CPLX2: variants seen among roughly 807,000 people sequenced by gnomAD.
CPLX2 encodes the protein complexin 2.
CPLX2 carries 5 observed loss-of-function variants against 16.3 expected under a neutral mutation model. The ratio of observed to expected loss-of-function variants is 0.31; its 90% CI spans 0.16 to 0.64. CPLX2 has a LOEUF of 0.64. Ranked by LOEUF, CPLX2 falls within the 30% of genes least tolerant of loss-of-function variation. The probability of loss-of-function intolerance (pLI) is 0.79; values close to 1 mark genes in which losing one functional copy is unlikely to be tolerated. For missense variants in CPLX2, 144 were observed against 181.4 expected (o/e 0.79, Z 1.18); for synonymous variants, 89 against 73.2 (o/e 1.22, Z -1.10).
intron 2 of CPLX2, among the ~76,000 whole-genome samples, chr5:175,843,166 T>G (rs1463684951): frequency 6.6e-6 from 1 of 152,116 alleles, no homozygotes; most frequent in Non-Finnish European, 1.5e-5. Context: ...AGAGCCAGTC[T>G]CTGAGGCAGC....
In CPLX2 at chr5:175,809,298, C is replaced by G. The variant is rs940142898; in HGVS notation, c.-89+230C>G. ...TTGTGCAATGCCTTATTCAGTGCTC[C>G]CCAAAAAACCTGAGGTGGATATTAT... is the stretch of plus-strand genomic sequence containing the variant. On this transcript the variant is annotated intron_variant, in intron 2 of 4. Transcript: ENST00000359546. The surrounding 1 kb of genome is among the most constrained non-coding windows in gnomAD (Gnocchi z 4.4). 6.6e-6 allele frequency: 1 copy of G among 152,110 alleles called. No homozygotes were observed. Among genetic ancestry groups the G allele is most frequent in the East Asian group, 1.9e-4 (1 of 5,190 alleles). 9.4% of individuals were successfully genotyped at this position (152,110 alleles called of 1,614,324 possible). A position where few individuals can be genotyped will look rare whatever the true frequency, so the allele number is the denominator to read the frequency against.
chr5:175,824,741 T>C (rs78543252), intron 2 of CPLX2, among the ~76,000 whole-genome samples: 2,411 of 152,276 alleles, frequency 0.016, 65 homozygotes, highest in African/African-American at 0.055. Context: ...AAGGCTGAGA[T>C]TGACATTCCC....
intron 2 of CPLX2, among the ~76,000 whole-genome samples, chr5:175,851,490 C>T (rs1561783453): frequency 6.6e-6 from 1 of 152,190 alleles, no homozygotes; most frequent in African/African-American, 2.4e-5. Flanking sequence ...AGGGAGATTT[C>T]CCCCACAAGA....
At chr5:175,853,325 C>T (rs1247312737) in intron 2 of CPLX2, among the ~76,000 whole-genome samples, 2 of 152,240 alleles carry the variant, frequency 1.3e-5, no homozygotes, top group Non-Finnish European at 2.9e-5. Context: ...GCCCTGGCAA[C>T]AGCCTCACAC....
At chr5:175,819,002 CTTCAT>C (rs1378095681) in intron 2 of CPLX2, among the ~76,000 whole-genome samples, 1 of 152,152 alleles carries the variant, frequency 6.6e-6, no homozygotes, top group South Asian at 2.1e-4. Context: ...TGTTTTTGAA[CTTCAT>C]ATAAATGAAA....
intron 2 of CPLX2, among the ~76,000 whole-genome samples, chr5:175,817,858 G>C (rs967405901): frequency 9.9e-5 from 15 of 152,196 alleles, no homozygotes; most frequent in African/African-American, 3.6e-4. Context: ...ATCAGGACTG[G>C]GGACATGTGT....
intron 2 of CPLX2, among the ~76,000 whole-genome samples, chr5:175,820,068 C>A (rs370352879): frequency 4.6e-5 from 7 of 152,218 alleles, no homozygotes; most frequent in African/African-American, 1.7e-4. Context: ...AGGTGAGTGT[C>A]CCCAGCCTGA....
At chr5:175,877,484 T>C (rs1755426323) in intron 1 of CPLX2, among the ~76,000 whole-genome samples, 1 of 152,212 alleles carries the variant, frequency 6.6e-6, no homozygotes, top group South Asian at 2.1e-4. Context: ...GGAACCCTTT[T>C]TCTTCCTTGC....
upstream of CPLX2, among the ~76,000 whole-genome samples, chr5:175,870,317 G>A (rs1359059777): frequency 6.6e-6 from 1 of 152,156 alleles, no homozygotes; most frequent in African/African-American, 2.4e-5. Context: ...TGGTGGGGGG[G>A]TCTCCTGCTT....
At chr5:175,846,723 G>GC (rs962795037) in intron 2 of CPLX2, among the ~76,000 whole-genome samples, 1 of 152,080 alleles carries the variant, frequency 6.6e-6, no homozygotes, top group African/African-American at 2.4e-5. Flanking sequence ...TGCTGCCTCA[G>GC]CCCCCCAACT....
intron 2 of CPLX2, among the ~76,000 whole-genome samples, chr5:175,843,677 G>A (rs1170379087): frequency 1.3e-5 from 2 of 152,250 alleles, no homozygotes; most frequent in African/African-American, 4.8e-5. Context: ...GGGTGAGTGA[G>A]GGAGCAGGCA....
At chr5:175,808,855 C>T (rs918517761) in intron 1 of CPLX2, 1 of 152,172 alleles carries the variant, frequency 6.6e-6, no homozygotes, top group African/African-American at 2.4e-5. Context: ...TTGCTGGAAT[C>T]AAGAGCAGCA....
At chr5:175,834,470 A>G (rs1195331373) in intron 2 of CPLX2, among the ~76,000 whole-genome samples, 1 of 152,180 alleles carries the variant, frequency 6.6e-6, no homozygotes, top group Non-Finnish European at 1.5e-5. Context: ...AAAGAGACAG[A>G]CATGGACAAC....
intron 2 of CPLX2, among the ~76,000 whole-genome samples, chr5:175,824,558 C>T (rs1482529318): frequency 1.3e-5 from 2 of 152,222 alleles, no homozygotes; most frequent in Non-Finnish European, 2.9e-5. Context: ...CTGGCCTCTG[C>T]AGTTTCAAAT....
intron 2 of CPLX2, among the ~76,000 whole-genome samples, chr5:175,841,282 T>G (rs939779026): frequency 2.6e-5 from 4 of 151,938 alleles, no homozygotes; most frequent in Admixed American, 2.6e-4. Flanking sequence ...AGACAGACAC[T>G]CAGATGCATA....
chr5:175,812,630 A>G (rs1318523029), intron 2 of CPLX2, among the ~76,000 whole-genome samples: 3 of 152,160 alleles, frequency 2.0e-5, no homozygotes, highest in Non-Finnish European at 4.4e-5. Flanking sequence ...GCTGCCCCTC[A>G]GGAATTTGGC....
chr5:175,818,905 G>A (rs771900261), intron 2 of CPLX2, among the ~76,000 whole-genome samples: 2 of 151,768 alleles, frequency 1.3e-5, no homozygotes, highest in East Asian at 1.9e-4. Flanking sequence ...TCTCATGATC[G>A]GCCCACCTCA....
chr5:175,801,174 A>AAC (rs1758090366), intron 1 of CPLX2, among the ~76,000 whole-genome samples: 1 of 148,562 alleles, frequency 6.7e-6, no homozygotes, highest in African/African-American at 2.5e-5. Flanking sequence ...AAAAAAAAAA[A>AAC]AACTGGGTTT....
In CPLX2 at chr5:175,872,240, G is replaced by A. The variant is rs956648725; in HGVS notation, c.-89+535G>A. ...GCGGCAGGGGGGCGGACAGACCGCAGGTGGAGGGGAGGAGAACGTAGACAT... is the reference window on the plus strand; with the variant it reads ...GCGGCAGGGGGGCGGACAGACCGCAAGTGGAGGGGAGGAGAACGTAGACAT... On this transcript the variant is annotated intron_variant, in intron 1 of 3. Coordinates refer to ENST00000393745, the MANE Select transcript of CPLX2 (RefSeq NM_001008220.2). The surrounding 1 kb of genome is among the most constrained non-coding windows in gnomAD (Gnocchi z 5.0). The A allele has an allele frequency of 1.3e-5, 2 of 152,476 alleles. No homozygotes were observed. Among genetic ancestry groups the A allele is most frequent in the African/African-American group, 2.4e-5 (1 of 41,474 alleles). 9.4% of individuals were successfully genotyped at this position (152,476 alleles called of 1,614,324 possible). A position where few individuals can be genotyped will look rare whatever the true frequency, so the allele number is the denominator to read the frequency against.
Sources: gnomAD v4.1 joint callset for allele counts (sites outside exome capture counted in the v4.1 genomes callset) on GRCh38, gnomAD v4.1.1 for gene constraint, Gnocchi (gnomAD v3.1) non-coding constraint, MANE v1.5 for transcripts, NCBI Gene and HGNC (gene_info 2026-07-23, HGNC 2026-07-21) for gene names.